CLEC3A: variants seen among roughly 807,000 people sequenced by gnomAD.
The protein encoded by CLEC3A is C-type (calcium dependent, carbohydrate-recognition domain) lectin, superfamily member 1 (cartilage-derived).
A neutral mutation model predicts 20.4 loss-of-function variants in CLEC3A; 28 were observed. The observed-to-expected ratio is 1.37, with a 90% confidence interval of 1.02 to 1.88. The LOEUF is 1.88. Among genes scored for constraint, CLEC3A ranks in the 40% most tolerant of loss-of-function variants. The pLI, the probability that CLEC3A is intolerant of heterozygous loss-of-function variation, is 0.00. For synonymous variants in CLEC3A, 110 were observed against 88.1 expected (o/e 1.25, Z -1.39); for missense variants, 357 against 240.4 (o/e 1.48, Z -3.21).
At chr16:78,027,954 C>G (rs2072662) in intron 1 of CLEC3A, among the ~76,000 whole-genome samples, 153 bp from the exon 2 acceptor site, 49,667 of 152,136 alleles carry the variant, frequency 0.33, 8,869 homozygotes, top group South Asian at 0.48. Context: ...CTTCGCCAGC[C>G]CCAAGTTATT....
rs1423251014 is a variant in CLEC3A at position 78,030,630 on chromosome 16, T to C, written c.383T>C (p.Phe128Ser). 1 of 1,613,948 alleles carries C rather than the reference T, an allele frequency of 6.2e-7. No individual in the cohort carries two copies. Among genetic ancestry groups the C allele is most frequent in the Non-Finnish European group, 8.5e-7 (1 of 1,180,028 alleles). Residue 128 changes from phenylalanine to serine, a missense_variant, in exon 3 of 3, where the codon TTT becomes TCT. By Grantham distance (155) the Phe-to-Ser change is radical (BLOSUM62 -2). Coordinates refer to ENST00000299642, the MANE Select transcript of CLEC3A (RefSeq NM_005752.6). Reference sequence around the variant, plus strand: ...AGGAGCCTGCCAGGTGTCAATGACTTTTGGCTGGGCATCAATGACATGGTC... The same window carrying C: ...AGGAGCCTGCCAGGTGTCAATGACTCTTGGCTGGGCATCAATGACATGGTC... ...GKRSLPGVND[F>S]WLGINDMVTE...
At chr16:78,027,975 AT>A in intron 1 of CLEC3A, 131 bp from the exon 2 acceptor site, 1 of 708,846 alleles carries the variant, frequency 1.4e-6, no homozygotes. Flanking sequence ...TTCACGCATT[AT>A]TTTTTGTATA....
intron 1 of CLEC3A, 22 bp from the exon 2 acceptor site, chr16:78,028,085 C>T (rs773095562): frequency 1.3e-6 from 2 of 1,556,186 alleles, no homozygotes; most frequent in South Asian, 2.3e-5. Flanking sequence ...CCTACCCCAT[C>T]CCACCCTAAA....
intron 1 of CLEC3A, 140 bp from the exon 2 acceptor site, chr16:78,027,967 C>A (rs906689835): frequency 1.0e-5 from 7 of 689,396 alleles, no homozygotes; most frequent in Non-Finnish European, 1.8e-5. Flanking sequence ...AAGTTATTTT[C>A]ACGCATTATT....
chr16:78,024,630 A>C (rs1381245561), intron 1 of CLEC3A, among the ~76,000 whole-genome samples: 2 of 152,128 alleles, frequency 1.3e-5, no homozygotes, highest in East Asian at 3.8e-4. Flanking sequence ...GAAGCAATAA[A>C]CCTAAACCGA....
rs148336333 is a variant in CLEC3A, at chr16:78,030,886, T to C, written c.*45T>C. 1.0e-4 allele frequency: 161 copies of C among 1,539,862 alleles called. No individual in the cohort carries two copies. The African/African-American group carries it at 1.8e-3, about 17-fold the overall frequency. ...TCCAAGCAAGATTCATCATAACTTA[T>C]AGGTTCATGATCTCTAAGATCAAGT... On this transcript the variant is annotated 3_prime_UTR_variant, in exon 3 of 3. Coordinates refer to ENST00000299642, the MANE Select transcript of CLEC3A (RefSeq NM_005752.6).
At chr16:78,024,533 G>A (rs1434995649) in intron 1 of CLEC3A, among the ~76,000 whole-genome samples, 1 of 151,876 alleles carries the variant, frequency 6.6e-6, no homozygotes, top group South Asian at 2.1e-4. Flanking sequence ...AAACTGACTA[G>A]GTACACACCT....
At position 78,031,030 on chromosome 16, in the gene CLEC3A, A is replaced by T. The variant is rs1490435690; in HGVS notation, c.*189A>T. 7 of 598,078 alleles carry T rather than the reference A, an allele frequency of 1.2e-5. No homozygotes were observed. The East Asian group carries it at 1.8e-4, about 15-fold the overall frequency. The allele number at this position is 598,078 out of a possible 1,614,324, so 37.0% of individuals were successfully genotyped here. A position where few individuals can be genotyped will look rare whatever the true frequency, so the allele number is the denominator to read the frequency against. On this transcript the variant is annotated 3_prime_UTR_variant, in exon 3 of 3. Coordinates refer to ENST00000299642, the MANE Select transcript of CLEC3A (RefSeq NM_005752.6). Reference sequence around the variant, plus strand: ...TTTGGGATTTTGCCCTTCCTGGGGTATAGGGGATCAGAAATATTGATCCAT... The same window carrying T: ...TTTGGGATTTTGCCCTTCCTGGGGTTTAGGGGATCAGAAATATTGATCCAT...
At chr16:78,025,481 G>A (rs1394728659) in intron 1 of CLEC3A, among the ~76,000 whole-genome samples, 1 of 152,162 alleles carries the variant, frequency 6.6e-6, no homozygotes, top group African/African-American at 2.4e-5. Flanking sequence ...CATCTTCTGT[G>A]TATGGGAGTG....
rs1457729642 is a variant in CLEC3A at position 78,030,644 on chromosome 16, A to G, written c.397A>G (p.Asn133Asp). 1 of 1,614,124 alleles carries G rather than the reference A, an allele frequency of 6.2e-7. No individual in the cohort carries two copies. Among genetic ancestry groups the G allele is most frequent in the Non-Finnish European group, 8.5e-7 (1 of 1,180,018 alleles). ...TGTCAATGACTTTTGGCTGGGCATC[A>G]ATGACATGGTCACGGAAGGCAAGTT... Reference protein sequence around the residue: ...PGVNDFWLGINDMVTEGKFVD... With the variant: ...PGVNDFWLGIDDMVTEGKFVD... Residue 133 changes from asparagine to aspartate, a missense_variant, in exon 3 of 3, where the codon AAT becomes GAT. Transcript: ENST00000299642.
chr16:78,029,284 A>C (rs1390358244), intron 2 of CLEC3A: 1 of 323,554 alleles, frequency 3.1e-6, no homozygotes, highest in East Asian at 9.0e-5. Context: ...TATCCTGAAT[A>C]ATCTAAACAA....
In CLEC3A at chr16:78,029,476, C is replaced by G. The variant is rs962489894; in HGVS notation, c.200-971C>G. ...CTCTGCCTCCCAGGTTCGCACGATT[C>G]TCCTGCTTCAGCCTCCTGAGTAGCT... On this transcript the variant is annotated intron_variant, in intron 2 of 2. Coordinates refer to ENST00000299642, the MANE Select transcript of CLEC3A (RefSeq NM_005752.6). Among the ~76,000 whole-genome samples the G allele has an allele frequency of 7.2e-5, 11 of 152,246 alleles. 1 individual carries two copies. Among genetic ancestry groups the G allele is most frequent in the African/African-American group, 2.6e-4 (11 of 41,564 alleles).
At chr16:78,023,268 G>C (rs1224252541) in intron 1 of CLEC3A, among the ~76,000 whole-genome samples, 1 of 152,054 alleles carries the variant, frequency 6.6e-6, no homozygotes, top group Non-Finnish European at 1.5e-5. Flanking sequence ...GGCAGCATAA[G>C]GACAACCTAT....
At chr16:78,028,938 G>T (rs1411845566) in intron 2 of CLEC3A, among the ~76,000 whole-genome samples, 2 of 152,094 alleles carry the variant, frequency 1.3e-5, no homozygotes, top group East Asian at 3.9e-4. Flanking sequence ...TAGTAACAAG[G>T]GTGACATACT....
At position 78,022,688 on chromosome 16, in the gene CLEC3A, C is replaced by T; in HGVS notation, c.62C>T (p.Thr21Ile). The T allele has an allele frequency of 6.2e-7, 1 of 1,614,098 alleles. No individual in the cohort carries two copies. The highest frequency in any genetic ancestry group is 8.5e-7 in the Non-Finnish European group (1 of 1,180,022). The change falls in exon 1 of 3, where the codon ACC becomes ATC. Residue 21 changes from threonine (T) to isoleucine (I), a missense_variant. Physicochemically the swap from Thr to Ile is moderately conservative, Grantham distance 89. Transcript: ENST00000299642. The stretch of plus-strand genomic sequence containing the variant: ...ATCACCTTACTCCTGGACCAGACCA[C>T]CAGCCACACATCCAGATTAAAAGCC... ...LVITLLLDQT[T>I]SHTSRLKARK... is the part of the protein sequence containing the mutation.
chr16:78,023,850 T>C (rs1349248127), intron 1 of CLEC3A, among the ~76,000 whole-genome samples: 8 of 151,378 alleles, frequency 5.3e-5, no homozygotes, highest in Admixed American at 5.3e-4. Context: ...CTCCACCTCC[T>C]GGGTTCACGC....
At chr16:78,026,165 G>T (rs376362827) in intron 1 of CLEC3A, among the ~76,000 whole-genome samples, 1 of 152,186 alleles carries the variant, frequency 6.6e-6, no homozygotes, top group African/African-American at 2.4e-5. Flanking sequence ...GAGAACTGAT[G>T]TGTAGCATTA....
At chr16:78,022,903 T>C (rs184726268) in intron 1 of CLEC3A, among the ~76,000 whole-genome samples, 162 bp downstream of exon 1, 1 of 152,216 alleles carries the variant, frequency 6.6e-6, no homozygotes, top group Non-Finnish European at 1.5e-5. Context: ...CTTGTAATGC[T>C]CTGGGATAGT....
At chr16:78,030,202 A>G (rs1406586889) in intron 2 of CLEC3A, among the ~76,000 whole-genome samples, 1 of 151,594 alleles carries the variant, frequency 6.6e-6, no homozygotes, top group Non-Finnish European at 1.5e-5. Context: ...CAACTTCTCT[A>G]AGCCTAAATA....
Sources: gnomAD v4.1 joint callset for allele counts (sites outside exome capture counted in the v4.1 genomes callset) on GRCh38, gnomAD v4.1.1 for gene constraint, MANE v1.5 for transcripts, NCBI Gene and HGNC (gene_info 2026-07-23, HGNC 2026-07-21) for gene names.